The following RFTN1 variants were observed in gnomAD, a reference collection of about 807,000 sequenced individuals.
The protein encoded by RFTN1 is raftlin, lipid raft linker 1, also known as raftlin.
Under a neutral mutation model 46.5 loss-of-function variants are expected in RFTN1, and 26 were observed. The ratio of observed to expected loss-of-function variants is 0.56; its 90% CI spans 0.41 to 0.78. The LOEUF is 0.78. Among genes scored for constraint, RFTN1 ranks in the 30% least tolerant of loss-of-function variants. RFTN1 has a pLI of 0.00. For missense variants in RFTN1, 693 were observed against 718.7 expected, an observed-to-expected ratio of 0.96 and a Z score of 0.41; for synonymous variants, 261 against 284.2, an observed-to-expected ratio of 0.92 and a Z score of 0.82.
At chr3:16,372,802 C>T (rs1478290276) in intron 5 of RFTN1, among the ~76,000 whole-genome samples, 2 of 152,230 alleles carry the variant, frequency 1.3e-5, no homozygotes, top group Non-Finnish European at 2.9e-5. Flanking sequence ...TGATCCTCCC[C>T]AGGGGGCCAG....
chr3:16,326,958 A>G, intron 7 of RFTN1, 82 bp from the exon 8 acceptor site: 1 of 1,025,950 alleles, frequency 9.7e-7, no homozygotes. Context: ...TCAGTCTGCC[A>G]ATCCGCAAAA....
At chr3:16,406,605 G>A (rs1483777998) in intron 4 of RFTN1, among the ~76,000 whole-genome samples, 3 of 152,164 alleles carry the variant, frequency 2.0e-5, no homozygotes, top group Non-Finnish European at 4.4e-5. Context: ...AGGATGATAC[G>A]ATGGGCTTTA....
In RFTN1 at chr3:16,512,210, C is replaced by T. The variant is rs1201203743; in HGVS notation, c.-9+1232G>A. Among the ~76,000 whole-genome samples the T allele has an allele frequency of 6.6e-6, 1 of 152,148 alleles. No individual in the cohort carries two copies. Among genetic ancestry groups the T allele is most frequent in the African/African-American group, 2.4e-5 (1 of 41,392 alleles). The stretch of plus-strand genomic sequence containing the variant: ...AATCCCGGCAGCAGAGAGGCCCTAC[C>T]CACAGGCCCAGAGGTCGCTCACATT... On this transcript the variant is annotated intron_variant, in intron 1 of 9. Transcript: ENST00000334133. The surrounding 1 kb of genome is among the most constrained non-coding windows in gnomAD (Gnocchi z 4.3).
rs534319059 is a variant in RFTN1 at position 16,353,260 on chromosome 3, A to C, written c.1146+4672T>G. Among the ~76,000 whole-genome samples the C allele has an allele frequency of 6.6e-6, 1 of 152,330 alleles. No homozygotes were observed. Among genetic ancestry groups the C allele is most frequent in the Admixed American group, 6.5e-5 (1 of 15,304 alleles). On this transcript the variant is annotated intron_variant, in intron 7 of 9. Transcript: ENST00000334133. The surrounding 1 kb of genome is among the most constrained non-coding windows in gnomAD (Gnocchi z 5.4). ...AGAGGCCAAAAGGGTGGGGAAAAGAAGTAGCTGGGTCTCAAGGGTAGAAGA... is the reference window on the plus strand; with the variant it reads ...AGAGGCCAAAAGGGTGGGGAAAAGACGTAGCTGGGTCTCAAGGGTAGAAGA...
At chr3:16,340,332 A>G (rs1419592116) in intron 7 of RFTN1, among the ~76,000 whole-genome samples, 1 of 152,244 alleles carries the variant, frequency 6.6e-6, no homozygotes, top group Non-Finnish European at 1.5e-5. Flanking sequence ...TGTGGCTGCC[A>G]TCCTGTGAAG....
chr3:16,326,142 T>C lies in RFTN1; in HGVS notation c.1250+631A>G, dbSNP rs375399270. On this transcript the variant is annotated intron_variant, in intron 8 of 9. Coordinates refer to ENST00000334133, the MANE Select transcript of RFTN1 (RefSeq NM_015150.2). ...TAATTTGGATAGTAAGCCCAACATA[T>C]AGATGGAGGGCCTTTTATGGTTGGT... Among the ~76,000 whole-genome samples, 18 of 152,284 alleles carry C rather than the reference T, an allele frequency of 1.2e-4. 2 individuals carry two copies. The highest frequency in any genetic ancestry group is 1.9e-4 in the East Asian group (1 of 5,190).
At chr3:16,438,508 C>G (rs905709449) in intron 2 of RFTN1, among the ~76,000 whole-genome samples, 1 of 134,320 alleles carries the variant, frequency 7.4e-6, no homozygotes, top group Non-Finnish European at 1.5e-5. Flanking sequence ...TCACTTGAGT[C>G]CAGGAGGCAG....
At chr3:16,354,804 A>T (rs566055548) in intron 7 of RFTN1, among the ~76,000 whole-genome samples, 3 of 152,288 alleles carry the variant, frequency 2.0e-5, no homozygotes, top group African/African-American at 7.2e-5. Flanking sequence ...TTTTACTATC[A>T]ACAGCCAAGA....
At position 16,450,133 on chromosome 3, in the gene RFTN1, A is replaced by G. The variant is rs2075799127; in HGVS notation, c.146-16096T>C. Among the ~76,000 whole-genome samples, 1 of 152,172 alleles carries G rather than the reference A, an allele frequency of 6.6e-6. No individual in the cohort carries two copies. Among genetic ancestry groups the G allele is most frequent in the Non-Finnish European group, 1.5e-5 (1 of 68,022 alleles). ...AAAATTAAATGTGCAAACAGAAAAT[A>G]TTTCTCTGAAAGAGTCATAAAATGT... On this transcript the variant is annotated intron_variant, in intron 2 of 9. Transcript: ENST00000334133. This position sits in a 1 kb window ranked among gnomAD's most constrained non-coding sequence, Gnocchi z 4.6.
chr3:16,405,601 A>G (rs151218403), intron 4 of RFTN1, among the ~76,000 whole-genome samples: 25 of 152,324 alleles, frequency 1.6e-4, no homozygotes, highest in African/African-American at 5.8e-4. Flanking sequence ...TGACACAGAC[A>G]CAAATGACTT....
rs2075179329 is a variant in RFTN1 at position 16,421,346 on chromosome 3, G to T, written c.333-11863C>A. The stretch of plus-strand genomic sequence containing the variant: ...TGAACAGGTAGGCATTGGTATTGGT[G>T]TTTTTTTTTTTTCTTTTCTTTTTGA... On this transcript the variant is annotated intron_variant, in intron 3 of 9. Coordinates refer to ENST00000334133, the MANE Select transcript of RFTN1 (RefSeq NM_015150.2). The surrounding 1 kb of genome is among the most constrained non-coding windows in gnomAD (Gnocchi z 4.6). 6.9e-6 allele frequency among the ~76,000 whole-genome samples: 1 copy of T among 145,836 alleles called. No individual in the cohort carries two copies. Among genetic ancestry groups the T allele is most frequent in the Non-Finnish European group, 1.5e-5 (1 of 65,960 alleles).
chr3:16,513,509 G>A lies in RFTN1; in HGVS notation c.-76C>T, dbSNP rs1693767633. ...TGAGGCAGCGTGTTCCGTCCCGGGA[G>A]GAAAGTTTGTGCCATACAGAGGAGG... On this transcript the variant is annotated 5_prime_UTR_variant, in exon 1 of 10. Transcript: ENST00000334133. This position sits in a 1 kb window ranked among gnomAD's most constrained non-coding sequence, Gnocchi z 5.4. 1 of 152,222 alleles carries A rather than the reference G, an allele frequency of 6.6e-6. No individual in the cohort carries two copies. 9.4% of individuals were successfully genotyped at this position (152,222 alleles called of 1,614,324 possible). A position where few individuals can be genotyped will look rare whatever the true frequency, so the allele number is the denominator to read the frequency against.
intron 7 of RFTN1, among the ~76,000 whole-genome samples, chr3:16,333,971 C>T (rs368309475): frequency 8.5e-5 from 13 of 152,254 alleles, no homozygotes; most frequent in East Asian, 5.8e-4. Flanking sequence ...CGAGACCATC[C>T]GGGCTAACAC....
rs760438408 is a variant in RFTN1, at chr3:16,433,968, A to G, written c.215T>C (p.Leu72Pro). Residue 72 changes from leucine to proline, a missense_variant, in exon 3 of 10, where the codon CTG becomes CCG. Coordinates refer to ENST00000334133, the MANE Select transcript of RFTN1 (RefSeq NM_015150.2). This position sits in a 1 kb window ranked among gnomAD's most constrained non-coding sequence, Gnocchi z 4.4. ...LRDLPAQLLELYQQGFSLAAL... is the reference protein window; with the variant it reads ...LRDLPAQLLEPYQQGFSLAAL... ...CGCCAGCGAGAAGCCCTGCTGGTAC[A>G]GCTCCAGGAGCTGGGCGGGCAGGTC... 3 of 1,613,840 alleles carry G rather than the reference A, an allele frequency of 1.9e-6. No individual in the cohort carries two copies. The highest frequency in any genetic ancestry group is 2.7e-5 in the African/African-American group (2 of 74,926).
chr3:16,317,788 A>G lies in RFTN1; in HGVS notation c.1333-556T>C, dbSNP rs1257162724. Among the ~76,000 whole-genome samples the G allele has an allele frequency of 6.6e-6, 1 of 151,940 alleles. No homozygotes were observed. Among genetic ancestry groups the G allele is most frequent in the Non-Finnish European group, 1.5e-5 (1 of 68,022 alleles). On this transcript the variant is annotated intron_variant, in intron 9 of 9. Coordinates refer to ENST00000334133, the MANE Select transcript of RFTN1 (RefSeq NM_015150.2). The surrounding 1 kb of genome is among the most constrained non-coding windows in gnomAD (Gnocchi z 4.3). ...CAGCTAGGCCGATAGCCCTTTGCTGACCACCACCTCACAGAAGGGTCACAC... is the reference window on the plus strand; with the variant it reads ...CAGCTAGGCCGATAGCCCTTTGCTGGCCACCACCTCACAGAAGGGTCACAC...
At chr3:16,454,726 A>T in intron 2 of RFTN1, 1 of 982,156 alleles carries the variant, frequency 1.0e-6, no homozygotes, top group Non-Finnish European at 1.2e-6. Context: ...GACTTCTTCA[A>T]CCTATACACC....
intron 3 of RFTN1, among the ~76,000 whole-genome samples, chr3:16,411,421 T>C (rs548352473): frequency 2.0e-5 from 3 of 152,196 alleles, no homozygotes; most frequent in Non-Finnish European, 2.9e-5. Flanking sequence ...GTAAGCAAAC[T>C]TCAATAGCTT....
At position 16,449,216 on chromosome 3, in the gene RFTN1, C is replaced by G. The variant is rs1319375231; in HGVS notation, c.146-15179G>C. ...TATCTTAGTTCTAAATTATGCAGAT[C>G]CTATTAGGCAAATAAAGAACAGAAA... On this transcript the variant is annotated intron_variant, in intron 2 of 9. Coordinates refer to ENST00000334133, the MANE Select transcript of RFTN1 (RefSeq NM_015150.2). The surrounding 1 kb of genome is among the most constrained non-coding windows in gnomAD (Gnocchi z 5.1). Among the ~76,000 whole-genome samples, 1 of 152,094 alleles carries G rather than the reference C, an allele frequency of 6.6e-6. No homozygotes were observed. Among genetic ancestry groups the G allele is most frequent in the Non-Finnish European group, 1.5e-5 (1 of 68,028 alleles).
At chr3:16,471,527 C>T (rs2076195328) in intron 2 of RFTN1, among the ~76,000 whole-genome samples, 1 of 152,200 alleles carries the variant, frequency 6.6e-6, no homozygotes, top group Non-Finnish European at 1.5e-5. Flanking sequence ...TAATAAATAG[C>T]AGCCACTGTA....
Sources: allele counts gnomAD v4.1 joint callset (sites outside exome capture counted in the v4.1 genomes callset), GRCh38; gene constraint gnomAD v4.1.1; non-coding constraint Gnocchi (gnomAD v3.1); transcripts MANE v1.5; gene names NCBI Gene and HGNC (gene_info 2026-07-23, HGNC 2026-07-21).